Variants in ZFHX3 observed in about 807,000 individuals in gnomAD.
ZFHX3 encodes zinc finger homeobox 3.
A neutral mutation model predicts 279.1 loss-of-function variants in ZFHX3; 42 were observed. That is an observed-to-expected ratio of 0.15 (90% CI 0.12 to 0.19). The LOEUF (loss-of-function observed/expected upper bound fraction) is 0.19, where lower values mean the gene tolerates loss of function less well. Ranked by LOEUF, ZFHX3 falls within the 10% of genes least tolerant of loss-of-function variation. The probability of loss-of-function intolerance (pLI) is 1.00; values close to 1 mark genes in which losing one functional copy is unlikely to be tolerated. For synonymous variants in ZFHX3, 2,293 were observed against 1,957.8 expected (o/e 1.17, Z -4.52); for missense variants, 4,981 against 4,754.0 (o/e 1.05, Z -1.40).
At chr16:73,635,539 A>C (rs984710750) in intron 2 of ZFHX3, among the ~76,000 whole-genome samples, 12 of 152,192 alleles carry the variant, frequency 7.9e-5, no homozygotes, top group African/African-American at 2.9e-4. Context: ...TTGGAAGTGA[A>C]AGAAGCTTTC....
intron 5 of ZFHX3, among the ~76,000 whole-genome samples, chr16:72,818,014 C>T (rs996877413): frequency 5.3e-5 from 8 of 152,180 alleles, no homozygotes; most frequent in Admixed American, 3.9e-4. Context: ...CCTTACATTC[C>T]GTAAACCAGC....
chr16:73,105,043 A>G (rs1374844302), intron 7 of ZFHX3, among the ~76,000 whole-genome samples: 1 of 151,966 alleles, frequency 6.6e-6, no homozygotes, highest in Non-Finnish European at 1.5e-5. Flanking sequence ...TGCAGCCATC[A>G]CTCACTGTGC....
rs181547908 is a variant in ZFHX3, at chr16:73,575,743, G to A, written c.-1547+104437C>T. On this transcript the variant is annotated intron_variant, in intron 2 of 17. Coordinates refer to the ZFHX3 transcript ENST00000641206. ...TTCTCTGGACGAGGGCTTGACTCTG[G>A]GTCTTGTCACATCTCACTCATGCCG... Among the ~76,000 whole-genome samples, 336 of 152,168 alleles carry A rather than the reference G, an allele frequency of 2.2e-3. 3 individuals carry two copies. The highest frequency in any genetic ancestry group is 1.4e-3 in the Non-Finnish European group (97 of 68,008).
chr16:72,907,545 T>TTTTGTGTGTG lies in ZFHX3; in HGVS notation c.3217-17584_3217-17583insCACACACAAA, dbSNP rs1394689944. On this transcript the variant is annotated intron_variant, in intron 3 of 9. Transcript: ENST00000268489. ...CTCGGTTTCCAAAGGTTTCCTCTAT[T>TTTTGTGTGTG]TGTGTGTGTGTGTGTGTGTGTGTGT... Among the ~76,000 whole-genome samples, 19 of 120,404 alleles carry TTTTGTGTGTG rather than the reference T, an allele frequency of 1.6e-4. 1 individual carries two copies. Among genetic ancestry groups the TTTTGTGTGTG allele is most frequent in the African/African-American group, 5.8e-4 (18 of 31,206 alleles). The allele number at this position is 120,404 out of a possible 152,430, so 79.0% of individuals were successfully genotyped here. A position where few individuals can be genotyped will look rare whatever the true frequency, so the allele number is the denominator to read the frequency against.
intron 4 of ZFHX3, among the ~76,000 whole-genome samples, chr16:72,860,353 C>T (rs1023727660): frequency 3.3e-5 from 5 of 152,138 alleles, no homozygotes; most frequent in Admixed American, 2.0e-4. Context: ...AAAGCCTGCC[C>T]GCTTTCCCCC....
At chr16:73,728,125 G>C (rs1342430510) in intron 1 of ZFHX3, among the ~76,000 whole-genome samples, 1 of 143,376 alleles carries the variant, frequency 7.0e-6, no homozygotes, top group Non-Finnish European at 1.5e-5. Context: ...AGTTAAATGA[G>C]GTCCTTAGGA....
intron 4 of ZFHX3, among the ~76,000 whole-genome samples, chr16:73,265,218 G>A (rs1016866897): frequency 6.6e-6 from 1 of 151,842 alleles, no homozygotes; most frequent in African/African-American, 2.4e-5. Context: ...TATCTTTTTC[G>A]TCTGGTGACT....
chr16:73,739,236 A>G (rs1194992344), intron 1 of ZFHX3, among the ~76,000 whole-genome samples: 2 of 152,150 alleles, frequency 1.3e-5, no homozygotes, highest in African/African-American at 4.8e-5. Context: ...TGTGCATTTT[A>G]CAGATAATTT....
intron 5 of ZFHX3, among the ~76,000 whole-genome samples, chr16:73,222,345 T>C (rs1230423636): frequency 1.3e-5 from 2 of 152,056 alleles, no homozygotes; most frequent in Non-Finnish European, 2.9e-5. Context: ...AAAGCCCTCC[T>C]GGAACTAATA....
At chr16:73,138,389 C>G (rs1446767596) in intron 6 of ZFHX3, among the ~76,000 whole-genome samples, 1 of 152,128 alleles carries the variant, frequency 6.6e-6, no homozygotes, top group Non-Finnish European at 1.5e-5. Flanking sequence ...AATCTACCCG[C>G]TGACGGTCAG....
chr16:73,196,910 G>A (rs948596024), intron 5 of ZFHX3, among the ~76,000 whole-genome samples: 2 of 152,160 alleles, frequency 1.3e-5, no homozygotes, highest in African/African-American at 4.8e-5. Flanking sequence ...GATGGTAGGC[G>A]TTCTGGAGGG....
chr16:72,959,572 G>A lies in ZFHX3; in HGVS notation c.574C>T (p.Pro192Ser). The A allele has an allele frequency of 6.2e-7, 1 of 1,614,214 alleles. No homozygotes were observed. The highest frequency in any genetic ancestry group is 8.5e-7 in the Non-Finnish European group (1 of 1,180,040). ...GDPSCAAPVY[P>S]QIINTFHIAS... is the part of the protein sequence containing the mutation. The stretch of plus-strand genomic sequence containing the variant: ...ATGTGGAAAGTGTTGATGATCTGCG[G>A]GTACACGGGTGCAGCACACGAAGGG... The change falls in exon 2 of 10, where the codon CCG becomes TCG. Residue 192 changes from proline (P) to serine (S), a missense_variant. Physicochemically the swap from Pro to Ser is moderately conservative, Grantham distance 74 (BLOSUM62 -1). This residue lies in a region of ZFHX3 where 1,068 missense variants were observed against 935.2 expected (regional missense o/e 1.14). Coordinates refer to ENST00000268489, the MANE Select transcript of ZFHX3 (RefSeq NM_006885.4).
intron 1 of ZFHX3, among the ~76,000 whole-genome samples, chr16:73,034,259 C>T (rs2144684230): frequency 6.6e-6 from 1 of 152,228 alleles, no homozygotes; most frequent in Non-Finnish European, 1.5e-5. Flanking sequence ...GGAAGGTTTC[C>T]ATTCCGCGGC....
intron 3 of ZFHX3, among the ~76,000 whole-genome samples, chr16:73,437,548 G>T (rs1476642104): frequency 6.6e-6 from 1 of 151,976 alleles, no homozygotes; most frequent in African/African-American, 2.4e-5. Flanking sequence ...CTCCCCCAAA[G>T]ATTTTTACCT....
At chr16:73,265,140 T>G (rs1204669070) in intron 4 of ZFHX3, among the ~76,000 whole-genome samples, 3 of 151,942 alleles carry the variant, frequency 2.0e-5, no homozygotes, top group African/African-American at 7.3e-5. Flanking sequence ...TGTTGATTAA[T>G]GGGCATTTGG....
At chr16:73,038,375 C>A (rs908496264) in intron 1 of ZFHX3, among the ~76,000 whole-genome samples, 9 of 152,166 alleles carry the variant, frequency 5.9e-5, no homozygotes, top group Admixed American at 5.9e-4. Context: ...GAAGGCCTTA[C>A]CTTTCAGAGA....
At chr16:73,769,233 C>T (rs1169115043) in intron 1 of ZFHX3, among the ~76,000 whole-genome samples, 2 of 152,128 alleles carry the variant, frequency 1.3e-5, no homozygotes, top group East Asian at 3.9e-4. Flanking sequence ...AGAATCAGAA[C>T]TAGAAGTACT....
At chr16:73,840,615 C>G (rs1167034842) in intron 1 of ZFHX3, among the ~76,000 whole-genome samples, 3 of 152,168 alleles carry the variant, frequency 2.0e-5, no homozygotes, top group South Asian at 4.1e-4. Flanking sequence ...ATTGCACATT[C>G]AAGGACAGAA....
chr16:73,718,186 A>G (rs1416029445), intron 1 of ZFHX3, among the ~76,000 whole-genome samples: 4 of 152,202 alleles, frequency 2.6e-5, no homozygotes, highest in Non-Finnish European at 4.4e-5. Context: ...CAAAGGGGGT[A>G]GATGACTTGA....
Sources: gnomAD v4.1 joint callset for allele counts (sites outside exome capture counted in the v4.1 genomes callset) on GRCh38, gnomAD v4.1.1 for gene constraint, gnomAD v4.1.1 regional missense constraint, MANE v1.5 for transcripts, NCBI Gene and HGNC (gene_info 2026-07-23, HGNC 2026-07-21) for gene names.